ZNF407: variants seen among roughly 807,000 people sequenced by gnomAD.
ZNF407 encodes the protein zinc finger protein 407.
ZNF407 carries 17 observed loss-of-function variants against 131.2 expected under a neutral mutation model. The observed-to-expected ratio is 0.13, with a 90% CI of 0.09 to 0.19. The LOEUF (loss-of-function observed/expected upper bound fraction) is 0.19. Among genes scored for constraint, ZNF407 ranks in the 10% least tolerant of loss-of-function variants. ZNF407 has a pLI of 1.00. For synonymous variants in ZNF407, 1,156 were observed against 1,062.0 expected, an observed-to-expected ratio of 1.09 and a Z score of -1.72; for missense variants, 2,681 against 2,830.6, an observed-to-expected ratio of 0.95 and a Z score of 1.20.
intron 3 of ZNF407, among the ~76,000 whole-genome samples, chr18:74,771,979 T>G (rs1969371733): frequency 6.6e-6 from 1 of 152,208 alleles, no homozygotes; most frequent in Non-Finnish European, 1.5e-5. Flanking sequence ...TTTATTTCAG[T>G]AGTAGTTTCA....
chr18:74,860,484 ATATTATTAT>A (rs1167796493), intron 4 of ZNF407, among the ~76,000 whole-genome samples: 59 of 145,528 alleles, frequency 4.1e-4, no homozygotes, highest in African/African-American at 1.2e-3. Flanking sequence ...CAGAACCTCT[ATATTATTAT>A]TATTATTATT....
At chr18:74,902,471 T>G (rs1405163613) in intron 7 of ZNF407, among the ~76,000 whole-genome samples, 1 of 152,136 alleles carries the variant, frequency 6.6e-6, no homozygotes, top group Non-Finnish European at 1.5e-5. Context: ...AAATAAGACG[T>G]TTGAGAGACT....
intron 3 of ZNF407, among the ~76,000 whole-genome samples, chr18:74,736,411 A>G (rs1968413292): frequency 6.6e-6 from 1 of 152,210 alleles, no homozygotes; most frequent in Non-Finnish European, 1.5e-5. Flanking sequence ...TTGTTTAAAT[A>G]AAATACAGGT....
chr18:75,043,050 G>C (rs73971353), intron 8 of ZNF407, among the ~76,000 whole-genome samples: 1 of 152,284 alleles, frequency 6.6e-6, no homozygotes, highest in African/African-American at 2.4e-5. Context: ...ATTTTCTTAG[G>C]AATGGGGTCA....
At chr18:74,989,914 T>G (rs1972698684) in intron 8 of ZNF407, among the ~76,000 whole-genome samples, 1 of 152,176 alleles carries the variant, frequency 6.6e-6, no homozygotes, top group Admixed American at 6.5e-5. Context: ...TGATAATTAT[T>G]TATATACTTT....
intron 8 of ZNF407, among the ~76,000 whole-genome samples, chr18:74,975,996 G>A (rs994196560): frequency 1.3e-5 from 2 of 152,054 alleles, no homozygotes; most frequent in Non-Finnish European, 2.9e-5. Flanking sequence ...TTTTATTTAT[G>A]TATTTTAATT....
At chr18:74,670,295 C>A (rs1432776516) in intron 3 of ZNF407, among the ~76,000 whole-genome samples, 1 of 152,056 alleles carries the variant, frequency 6.6e-6, no homozygotes, top group Non-Finnish European at 1.5e-5. Context: ...TTTAAAGAAT[C>A]GCATCATTAT....
At chr18:74,901,053 G>A (rs1190059383) in intron 7 of ZNF407, among the ~76,000 whole-genome samples, 2 of 152,146 alleles carry the variant, frequency 1.3e-5, no homozygotes, top group African/African-American at 4.8e-5. Context: ...TCACCCTGTA[G>A]GCTGAGATAG....
At chr18:74,621,867 G>A (rs1297370018) in intron 1 of ZNF407, among the ~76,000 whole-genome samples, 1 of 152,180 alleles carries the variant, frequency 6.6e-6, no homozygotes, top group East Asian at 1.9e-4. Flanking sequence ...AGGTAGCCTG[G>A]TCTCAGGACT....
At chr18:74,605,668 A>G (rs1982773224) in intron 1 of ZNF407, among the ~76,000 whole-genome samples, 1 of 152,248 alleles carries the variant, frequency 6.6e-6, no homozygotes, top group Non-Finnish European at 1.5e-5. Context: ...ATTATATTCT[A>G]TATACATGTT....
chr18:74,875,855 A>C (rs1971148669), intron 4 of ZNF407, among the ~76,000 whole-genome samples: 2 of 152,176 alleles, frequency 1.3e-5, no homozygotes, highest in South Asian at 4.1e-4. Flanking sequence ...GCAATTCTTA[A>C]ATATTTAACT....
At chr18:74,851,162 G>C (rs1276630133) in intron 4 of ZNF407, among the ~76,000 whole-genome samples, 2 of 152,140 alleles carry the variant, frequency 1.3e-5, no homozygotes, top group African/African-American at 4.8e-5. Context: ...ATCGTAATAG[G>C]ACTGATTATT....
At chr18:74,891,535 T>C (rs552684232) in intron 7 of ZNF407, among the ~76,000 whole-genome samples, 3 of 152,322 alleles carry the variant, frequency 2.0e-5, no homozygotes, top group Non-Finnish European at 4.4e-5. Flanking sequence ...TACAGAGATA[T>C]TACAGATATA....
chr18:74,656,437 C>T (rs952530789), intron 3 of ZNF407, among the ~76,000 whole-genome samples: 8 of 151,996 alleles, frequency 5.3e-5, no homozygotes, highest in Non-Finnish European at 1.0e-4. Flanking sequence ...GGATTTTTGA[C>T]CCCACCCTGA....
intron 8 of ZNF407, among the ~76,000 whole-genome samples, chr18:75,013,059 TAG>T (rs1973000923): frequency 6.6e-6 from 1 of 151,998 alleles, no homozygotes; most frequent in Admixed American, 6.6e-5. Flanking sequence ...CTGATGCCCA[TAG>T]AGTTTGAAAC....
Position 75,064,480 on chromosome 18 carries a change from C to T in ZNF407, c.*12C>T, listed in dbSNP as rs906853945. ...TCCAGGAAGCATGAGACGCGCGGCACCTTTACTCAGCACAGGGCAGGTGTG... is the reference window on the plus strand; with the variant it reads ...TCCAGGAAGCATGAGACGCGCGGCATCTTTACTCAGCACAGGGCAGGTGTG... On this transcript the variant is annotated 3_prime_UTR_variant, in exon 9 of 9. Coordinates refer to ENST00000299687, the MANE Select transcript of ZNF407 (RefSeq NM_017757.3). The T allele has an allele frequency of 7.5e-6, 11 of 1,468,756 alleles. No individual in the cohort carries two copies. Among genetic ancestry groups the T allele is most frequent in the African/African-American group, 2.8e-5 (2 of 70,546 alleles). 91.0% of individuals were successfully genotyped at this position (1,468,756 alleles called of 1,614,324 possible).
At chr18:74,932,089 C>T (rs899505152) in intron 8 of ZNF407, among the ~76,000 whole-genome samples, 1 of 151,978 alleles carries the variant, frequency 6.6e-6, no homozygotes, top group African/African-American at 2.4e-5. Flanking sequence ...GATACAATAT[C>T]TTCTAAAAGC....
intron 4 of ZNF407, among the ~76,000 whole-genome samples, chr18:74,835,805 G>C (rs1314095230): frequency 6.6e-6 from 1 of 152,084 alleles, no homozygotes; most frequent in Admixed American, 6.5e-5. Flanking sequence ...AAATAAAATT[G>C]TAAATATGAA....
At chr18:74,668,190 T>C (rs488199) in intron 3 of ZNF407, among the ~76,000 whole-genome samples, 137,232 of 152,152 alleles carry the variant, frequency 0.9, 62,239 homozygotes, top group East Asian at 0.96. Context: ...GTCCAGACAC[T>C]GTCCAAACTT....
Sources: allele counts gnomAD v4.1 joint callset (sites outside exome capture counted in the v4.1 genomes callset), GRCh38; gene constraint gnomAD v4.1.1; transcripts MANE v1.5; gene names NCBI Gene and HGNC (gene_info 2026-07-23, HGNC 2026-07-21).